The following KIF1A variants were observed in gnomAD, a reference collection of about 807,000 sequenced individuals.
The protein encoded by KIF1A is kinesin family member 1A, also known as kinesin-like protein KIF1A.
A neutral mutation model predicts 227.3 loss-of-function variants in KIF1A; 46 were observed. The ratio of observed to expected loss-of-function variants is 0.20; its 90% CI spans 0.16 to 0.26. The LOEUF (loss-of-function observed/expected upper bound fraction) is 0.26, where lower values mean the gene tolerates loss of function less well. Ranked by LOEUF, KIF1A falls within the 10% of genes least tolerant of loss-of-function variation. KIF1A has a pLI of 1.00. For synonymous variants in KIF1A, 1,022 were observed against 1,012.8 expected, an observed-to-expected ratio of 1.01 and a Z score of -0.17; for missense variants, 1,683 against 2,485.9, an observed-to-expected ratio of 0.68 and a Z score of 6.87.
intron 38 of KIF1A, among the ~76,000 whole-genome samples, chr2:240,732,747 A>AGGG (rs2046870386): frequency 1.1e-5 from 1 of 87,688 alleles, no homozygotes; most frequent in Admixed American, 1.3e-4. Context: ...GGGAGGGATG[A>AGGG]AGGGATAAGG....
At chr2:240,720,360 C>T (rs181504556) in intron 45 of KIF1A, 501 of 162,650 alleles carry the variant, frequency 3.1e-3, no homozygotes, top group Non-Finnish European at 4.7e-3. Context: ...GGCCAGGCCC[C>T]ACGCGACTCG....
At chr2:240,809,272 AT>A (rs1231041339) in intron 1 of KIF1A, among the ~76,000 whole-genome samples, 18 of 152,246 alleles carry the variant, frequency 1.2e-4, no homozygotes, top group Admixed American at 1.1e-3. Context: ...AAGAACATCA[AT>A]AACAAGTCTG....
intron 38 of KIF1A, among the ~76,000 whole-genome samples, chr2:240,727,262 G>A (rs2046127477): frequency 6.6e-6 from 1 of 152,236 alleles, no homozygotes; most frequent in Admixed American, 6.5e-5. Context: ...GGCAGAGAGG[G>A]AAGGGAGGAG....
intron 9 of KIF1A, 139 bp from the exon 10 acceptor site, chr2:240,782,746 G>C: frequency 2.2e-6 from 2 of 905,770 alleles, no homozygotes; most frequent in East Asian, 2.6e-5. Context: ...CTAGACAGCA[G>C]CTCCCCCAGG....
At chr2:240,783,643 C>T in intron 8 of KIF1A, 96 bp downstream of exon 8, 2 of 966,742 alleles carry the variant, frequency 2.1e-6, no homozygotes, top group Non-Finnish European at 3.1e-6. Context: ...CTCAGGGTGG[C>T]CCAGGCCCCC....
chr2:240,803,312 C>T (rs1050159845), intron 1 of KIF1A, among the ~76,000 whole-genome samples: 5 of 152,192 alleles, frequency 3.3e-5, no homozygotes, highest in African/African-American at 1.2e-4. Context: ...GAGGGCAGCC[C>T]CACATCATCC....
intron 25 of KIF1A, among the ~76,000 whole-genome samples, chr2:240,759,722 C>T (rs1487252265): frequency 1.3e-5 from 2 of 152,168 alleles, no homozygotes; most frequent in African/African-American, 4.8e-5. Context: ...TAACTTGAGG[C>T]CTGGCTGGGT....
rs563358140 is a variant in KIF1A at position 240,766,536 on chromosome 2, C to T, written c.1684+379G>A. Reference sequence around the variant, plus strand: ...GTCCTCCCGCCATGAACATCCTCCACCCTGGGCCCCAACACGCTTCCCGGC... The same window carrying T: ...GTCCTCCCGCCATGAACATCCTCCATCCTGGGCCCCAACACGCTTCCCGGC... On this transcript the variant is annotated intron_variant, in intron 19 of 48. Coordinates refer to ENST00000498729, the MANE Select transcript of KIF1A (RefSeq NM_001244008.2). This position sits in a 1 kb window ranked among gnomAD's most constrained non-coding sequence, Gnocchi z 5.0. 6.6e-6 allele frequency among the ~76,000 whole-genome samples: 1 copy of T among 152,248 alleles called. No individual in the cohort carries two copies. The highest frequency in any genetic ancestry group is 2.4e-5 in the African/African-American group (1 of 41,552).
intron 1 of KIF1A, among the ~76,000 whole-genome samples, chr2:240,807,896 A>G (rs2057558682): frequency 6.6e-6 from 1 of 152,226 alleles, no homozygotes; most frequent in Non-Finnish European, 1.5e-5. Flanking sequence ...ATTAAAGAAG[A>G]AAGAATATGA....
intron 1 of KIF1A, among the ~76,000 whole-genome samples, chr2:240,816,183 TGCATGTGTGTATGCATGCGTGCATAA>T (rs1249773355): frequency 1.3e-5 from 2 of 151,572 alleles, no homozygotes; most frequent in Non-Finnish European, 2.9e-5. Context: ...TCTGCATGCA[TGCATGTGTGTATGCATGCGTGCATAA>T]GCATGTGTGT....
chr2:240,717,538 C>A, intron 48 of KIF1A, 132 bp from the exon 49 acceptor site: 1 of 772,512 alleles, frequency 1.3e-6, no homozygotes, highest in Non-Finnish European at 2.2e-6. Context: ...TCCCTCACCA[C>A]CTGGGGAAGG....
chr2:240,779,826 C>G (rs1349322899), intron 10 of KIF1A, among the ~76,000 whole-genome samples: 1 of 152,226 alleles, frequency 6.6e-6, no homozygotes, highest in Non-Finnish European at 1.5e-5. Flanking sequence ...CGGCTCCTCA[C>G]GCAGCCGCAT....
intron 7 of KIF1A, among the ~76,000 whole-genome samples, chr2:240,784,244 C>T (rs1013258458): frequency 1.3e-5 from 2 of 152,202 alleles, no homozygotes; most frequent in African/African-American, 4.8e-5. Context: ...CTGCACCTAG[C>T]GAGGTGGGCA....
In KIF1A at chr2:240,726,758, G is replaced by A; in HGVS notation, c.4122+68C>T. On this transcript the variant is annotated intron_variant, in intron 39 of 48. Transcript: ENST00000498729. The surrounding 1 kb of genome is among the most constrained non-coding windows in gnomAD (Gnocchi z 5.2). ...TCTGGGTCATATGGGGTTGTCCAGA[G>A]CTTACAAGAACCTCAAGCTTCAGGG... 1 of 935,106 alleles carries A rather than the reference G, an allele frequency of 1.1e-6. No individual in the cohort carries two copies. Among genetic ancestry groups the A allele is most frequent in the African/African-American group, 1.6e-5 (1 of 61,688 alleles). 57.9% of individuals were successfully genotyped at this position (935,106 alleles called of 1,614,324 possible).
At position 240,722,585 on chromosome 2, in the gene KIF1A, T is replaced by G. The variant is rs956495221; in HGVS notation, c.4536A>C (p.Ala1512=). Residue 1512 remains alanine (A), a synonymous_variant, in exon 43 of 49, where the codon GCA becomes GCC. Transcript: ENST00000498729. The stretch of plus-strand genomic sequence containing the variant: ...AGTCCTCGCTGAAGGCCGGGGACAG[T>G]GCCTCCGGGACAGGCCGCTGGGCGG... The part of the protein sequence containing the change: ...LETAQRPVPE[A]LSPAFSEDSE... The G allele has an allele frequency of 1.3e-6, 2 of 1,562,816 alleles. No individual in the cohort carries two copies. Among genetic ancestry groups the G allele is most frequent in the African/African-American group, 1.4e-5 (1 of 73,824 alleles).
At chr2:240,768,750 T>G (rs1303126291) in intron 17 of KIF1A, among the ~76,000 whole-genome samples, 1 of 152,132 alleles carries the variant, frequency 6.6e-6, no homozygotes, top group African/African-American at 2.4e-5. Context: ...CTAGCTGAGT[T>G]CCAAGAAGGC....
intron 38 of KIF1A, among the ~76,000 whole-genome samples, chr2:240,733,158 C>T (rs552708071): frequency 7.9e-5 from 12 of 152,078 alleles, no homozygotes; most frequent in African/African-American, 2.4e-4. Context: ...CTTAGTCACA[C>T]GTGAAAGATC....
Position 240,790,272 on chromosome 2 carries a change from G to T in KIF1A, c.107-960C>A, listed in dbSNP as rs1032521357. The stretch of plus-strand genomic sequence containing the variant: ...TCCCCTCCCAGGTTCTCACACCCAG[G>T]AGGAACACTGGCCATTCCTGGTCAG... On this transcript the variant is annotated intron_variant, in intron 2 of 48. Coordinates refer to ENST00000498729, the MANE Select transcript of KIF1A (RefSeq NM_001244008.2). The surrounding 1 kb of genome is among the most constrained non-coding windows in gnomAD (Gnocchi z 5.0). 2.0e-5 allele frequency among the ~76,000 whole-genome samples: 3 copies of T among 152,166 alleles called. No homozygotes were observed. Among genetic ancestry groups the T allele is most frequent in the African/African-American group, 7.2e-5 (3 of 41,438 alleles).
rs1040571966 is a variant in KIF1A at position 240,752,593 on chromosome 2, G to A, written c.2859-2046C>T. The stretch of plus-strand genomic sequence containing the variant: ...CAGAACTTGGGCCGCCAGACAGCAC[G>A]GCTCTTCCCCGTGGCTGGCGCACCA... On this transcript the variant is annotated intron_variant, in intron 27 of 48. Transcript: ENST00000498729. The surrounding 1 kb of genome is among the most constrained non-coding windows in gnomAD (Gnocchi z 6.4). Among the ~76,000 whole-genome samples the A allele has an allele frequency of 5.3e-5, 8 of 152,100 alleles. No individual in the cohort carries two copies. Among genetic ancestry groups the A allele is most frequent in the African/African-American group, 7.2e-5 (3 of 41,412 alleles).
Sources: gnomAD v4.1 joint callset for allele counts (sites outside exome capture counted in the v4.1 genomes callset) on GRCh38, gnomAD v4.1.1 for gene constraint, Gnocchi (gnomAD v3.1) non-coding constraint, MANE v1.5 for transcripts, NCBI Gene and HGNC (gene_info 2026-07-23, HGNC 2026-07-21) for gene names.